SOX10: variants seen among roughly 807,000 people sequenced by gnomAD.
The protein encoded by SOX10 is transcription factor SOX-10.
In SOX10, 3 loss-of-function variants were observed where a neutral mutation model predicts 35.0. The observed-to-expected ratio is 0.09, with a 90% CI of 0.04 to 0.22. The LOEUF is 0.22. Among genes scored for constraint, SOX10 ranks in the 10% least tolerant of loss-of-function variants. SOX10 has a pLI of 1.00. For synonymous variants in SOX10, 285 were observed against 291.0 expected (o/e 0.98, Z 0.21); for missense variants, 436 against 655.1 (o/e 0.67, Z 3.65).
chr22:37,978,104 T>C lies in SOX10; in HGVS notation c.460A>G (p.Ile154Val), dbSNP rs1932279613. 3.2e-6 allele frequency: 5 copies of C among 1,587,058 alleles called. No individual in the cohort carries two copies. The highest frequency in any genetic ancestry group is 1.3e-5 in the African/African-American group (1 of 74,468). Reference sequence around the variant, plus strand: ...ATACGGAGCCGCTCAGCCTCCTCGATGAAGGGGCGCTTGTCACTTTCGTTC... The same window carrying C: ...ATACGGAGCCGCTCAGCCTCCTCGACGAAGGGGCGCTTGTCACTTTCGTTC... ...LLNESDKRPF[I>V]EEAERLRMQH... The change falls in exon 3 of 4, where the codon ATC (isoleucine) becomes GTC (valine). Residue 154 changes from isoleucine (I) to valine (V), a missense_variant. Ile to Val is a conservative substitution (Grantham distance 29). Around this residue, in one of 3 missense-constraint regions of SOX10, gnomAD observed 54 missense variants for 156.7 expected, o/e 0.34. Transcript: ENST00000396884. This position sits in a 1 kb window ranked among gnomAD's most constrained non-coding sequence, Gnocchi z 5.0.
rs1932458375 is a variant in SOX10 at position 37,983,321 on chromosome 22, A to T, written c.428+36T>A. The T allele has an allele frequency of 1.3e-6, 2 of 1,580,460 alleles. No individual in the cohort carries two copies. The highest frequency in any genetic ancestry group is 2.3e-5 in the South Asian group (2 of 87,388). ...GGCTACCCTGAATCCACCCGAAGCT[A>T]GAGGGCCCGAGCCCGGGGGGCGGTC... On this transcript the variant is annotated intron_variant, in intron 2 of 3. Coordinates refer to ENST00000396884, the MANE Select transcript of SOX10 (RefSeq NM_006941.4). The surrounding 1 kb of genome is among the most constrained non-coding windows in gnomAD (Gnocchi z 9.5).
chr22:37,977,346 A>T (rs956896808), intron 3 of SOX10, among the ~76,000 whole-genome samples: 5 of 148,056 alleles, frequency 3.4e-5, no homozygotes, highest in African/African-American at 9.9e-5. Flanking sequence ...TTTGAGACAG[A>T]GTCTCGCTCT....
chr22:37,975,711 T>C (rs1459458534), intron 3 of SOX10, among the ~76,000 whole-genome samples: 1 of 152,186 alleles, frequency 6.6e-6, no homozygotes, highest in African/African-American at 2.4e-5. Flanking sequence ...CCTGGTTCTG[T>C]GTCTGGACAA....
Position 37,978,089 on chromosome 22 carries a change from G to A in SOX10, c.475C>T (p.Arg159Trp), listed in dbSNP as rs2145768564. The A allele has an allele frequency of 1.3e-6, 2 of 1,595,506 alleles. No homozygotes were observed. Among genetic ancestry groups the A allele is most frequent in the Non-Finnish European group, 1.7e-6 (2 of 1,169,666 alleles). Residue 159 changes from arginine to tryptophan, a missense_variant, in exon 3 of 4, where the codon CGG (arginine) becomes TGG (tryptophan). Around this residue, in one of 3 missense-constraint regions of SOX10, gnomAD observed 54 missense variants for 156.7 expected, o/e 0.34. Coordinates refer to ENST00000396884, the MANE Select transcript of SOX10 (RefSeq NM_006941.4). The surrounding 1 kb of genome is among the most constrained non-coding windows in gnomAD (Gnocchi z 5.0). ...TCTTTCTTGTGCTGCATACGGAGCC[G>A]CTCAGCCTCCTCGATGAAGGGGCGC... is the stretch of plus-strand genomic sequence containing the variant. ...DKRPFIEEAE[R>W]LRMQHKKDHP...
At chr22:37,979,348 T>C (rs975745336) in intron 2 of SOX10, among the ~76,000 whole-genome samples, 1 of 152,180 alleles carries the variant, frequency 6.6e-6, no homozygotes, top group African/African-American at 2.4e-5. Context: ...TCCACCCGCC[T>C]TGGCCTCCCA....
At position 37,983,048 on chromosome 22, in the gene SOX10, T is replaced by C. The variant is rs1932449627; in HGVS notation, c.428+309A>G. 6.6e-6 allele frequency among the ~76,000 whole-genome samples: 1 copy of C among 152,206 alleles called. No homozygotes were observed. The highest frequency in any genetic ancestry group is 1.5e-5 in the Non-Finnish European group (1 of 68,022). ...GTGCGTATCTGTGGGCAGGAGTTAGTGAAGGCCTCCTTCCCTCCCTCCAAA... is the reference window on the plus strand; with the variant it reads ...GTGCGTATCTGTGGGCAGGAGTTAGCGAAGGCCTCCTTCCCTCCCTCCAAA... On this transcript the variant is annotated intron_variant, in intron 2 of 3. Coordinates refer to ENST00000396884, the MANE Select transcript of SOX10 (RefSeq NM_006941.4). The surrounding 1 kb of genome is among the most constrained non-coding windows in gnomAD (Gnocchi z 9.5).
At chr22:37,981,892 G>T (rs1216015973) in intron 2 of SOX10, among the ~76,000 whole-genome samples, 1 of 152,194 alleles carries the variant, frequency 6.6e-6, no homozygotes, top group Admixed American at 6.5e-5. Context: ...CTGAGAAGGG[G>T]CAGGGGAAGG....
rs1932373054 is a variant in SOX10, at chr22:37,980,790, A to G, written c.428+2567T>C. On this transcript the variant is annotated intron_variant, in intron 2 of 3. Transcript: ENST00000396884. The surrounding 1 kb of genome is among the most constrained non-coding windows in gnomAD (Gnocchi z 4.1). ...GGCTGATTCCTCACCCAAACTGGAA[A>G]CCCCAACCGGGGACCTCCCACAGTG... is the stretch of plus-strand genomic sequence containing the variant. Among the ~76,000 whole-genome samples the G allele has an allele frequency of 6.6e-6, 1 of 152,146 alleles. No homozygotes were observed. The highest frequency in any genetic ancestry group is 2.1e-4 in the South Asian group (1 of 4,830).
Position 37,974,036 on chromosome 22 carries a change from G to T in SOX10, c.860C>A (p.Ser287Tyr). Residue 287 changes from serine to tyrosine, a missense_variant, in exon 4 of 4, where the codon TCC becomes TAC. Physicochemically the swap from Ser to Tyr is moderately radical, Grantham distance 144 (BLOSUM62 -2). This residue lies in a region of SOX10 where 285 missense variants were observed against 402.9 expected (regional missense o/e 0.71). Coordinates refer to ENST00000396884, the MANE Select transcript of SOX10 (RefSeq NM_006941.4). The surrounding 1 kb of genome is among the most constrained non-coding windows in gnomAD (Gnocchi z 5.4). ...DIGEISHEVMSNMETFDVAEL... is the reference protein window; with the variant it reads ...DIGEISHEVMYNMETFDVAEL... The stretch of plus-strand genomic sequence containing the variant: ...AGCCACATCAAAGGTCTCCATGTTG[G>T]ACATTACCTCGTGGCTGATCTCACC... 6.2e-7 allele frequency: 1 copy of T among 1,613,996 alleles called. No individual in the cohort carries two copies. The highest frequency in any genetic ancestry group is 1.1e-5 in the South Asian group (1 of 91,084).
Position 37,973,604 on chromosome 22 carries a change from G to C in SOX10, c.1292C>G (p.Ser431Trp). ...GATGGCCGTGTAGAGGGGCCGCTGC[G>C]AGGGCCCCATATAGGAGAAGGCCGA... is the stretch of plus-strand genomic sequence containing the variant. ...LYSAFSYMGPSQRPLYTAISD... is the reference protein window; with the variant it reads ...LYSAFSYMGPWQRPLYTAISD... Residue 431 changes from serine (S) to tryptophan (W), a missense_variant, in exon 4 of 4, where the codon TCG (serine) becomes TGG (tryptophan). By Grantham distance (177) the Ser-to-Trp change is radical. This residue lies in a region of SOX10 where 285 missense variants were observed against 402.9 expected (regional missense o/e 0.71). Transcript: ENST00000396884. 6.2e-7 allele frequency: 1 copy of C among 1,613,022 alleles called. No homozygotes were observed. The highest frequency in any genetic ancestry group is 8.5e-7 in the Non-Finnish European group (1 of 1,179,408).
At chr22:37,982,688 C>G (rs1932437661) in intron 2 of SOX10, among the ~76,000 whole-genome samples, 3 of 152,070 alleles carry the variant, frequency 2.0e-5, no homozygotes, top group Admixed American at 1.3e-4. Flanking sequence ...GGAAAGAGAT[C>G]AGCTTGGTGA....
At position 37,973,883 on chromosome 22, in the gene SOX10, G is replaced by C. The variant is rs781443891; in HGVS notation, c.1013C>G (p.Pro338Arg). 1.9e-6 allele frequency: 3 copies of C among 1,610,210 alleles called. No individual in the cohort carries two copies. The highest frequency in any genetic ancestry group is 1.3e-5 in the African/African-American group (1 of 74,902). Residue 338 changes from proline to arginine, a missense_variant, in exon 4 of 4, where the codon CCA (proline) becomes CGA (arginine). Pro to Arg is a moderately radical substitution (Grantham distance 103). This residue lies in a region of SOX10 where 285 missense variants were observed against 402.9 expected (regional missense o/e 0.71). Coordinates refer to ENST00000396884, the MANE Select transcript of SOX10 (RefSeq NM_006941.4). ...TGAGACCGTGGGCAGAGCCACGCCT[G>C]GTGGCTTGGAGATCCAGGCGGAGTG... Reference protein sequence around the residue: ...SGHSAWISKPPGVALPTVSPP... With the variant: ...SGHSAWISKPRGVALPTVSPP...
In SOX10 at chr22:37,983,512, G is replaced by C; in HGVS notation, c.273C>G (p.Pro91=). 1 of 1,610,350 alleles carries C rather than the reference G, an allele frequency of 6.2e-7. No individual in the cohort carries two copies. Among genetic ancestry groups the C allele is most frequent in the South Asian group, 1.1e-5 (1 of 90,698 alleles). ...TTTTGCTGGCGCCGTTGACGCGCAC[G>C]GGCATGGGCACCAGCGTCCAGTCGT... is the stretch of plus-strand genomic sequence containing the variant. ...SGYDWTLVPM[P]VRVNGASKSK... Residue 91 remains proline, a synonymous_variant, in exon 2 of 4, where the codon CCC becomes CCG. Coordinates refer to ENST00000396884, the MANE Select transcript of SOX10 (RefSeq NM_006941.4). This position sits in a 1 kb window ranked among gnomAD's most constrained non-coding sequence, Gnocchi z 9.5.
chr22:37,982,066 G>A (rs995126152), intron 2 of SOX10, among the ~76,000 whole-genome samples: 4 of 152,126 alleles, frequency 2.6e-5, no homozygotes, highest in Non-Finnish European at 5.9e-5. Context: ...GAAGAGAGCC[G>A]GGCTCCTCTG....
rs1252370101 is a variant in SOX10 at position 37,983,500 on chromosome 22, G to A, written c.285C>T (p.Asn95=). ...WTLVPMPVRV[N]GASKSKPHVK... ...CGTGCGGCTTGCTTTTGCTGGCGCC[G>A]TTGACGCGCACGGGCATGGGCACCA... is the stretch of plus-strand genomic sequence containing the variant. Residue 95 remains asparagine (N), a synonymous_variant, in exon 2 of 4, where the codon AAC becomes AAT. Transcript: ENST00000396884. This position sits in a 1 kb window ranked among gnomAD's most constrained non-coding sequence, Gnocchi z 9.5. 1.2e-6 allele frequency: 2 copies of A among 1,610,792 alleles called. No homozygotes were observed. The highest frequency in any genetic ancestry group is 1.3e-5 in the African/African-American group (1 of 74,898).
intron 2 of SOX10, among the ~76,000 whole-genome samples, chr22:37,981,317 A>G (rs1322241942): frequency 1.3e-5 from 2 of 152,206 alleles, no homozygotes; most frequent in Non-Finnish European, 2.9e-5. Context: ...ACCCCCCTCC[A>G]GGGTCCAGGG....
rs912970994 is a variant in SOX10 at position 37,983,949 on chromosome 22, G to C, written c.-84-81C>G. The C allele has an allele frequency of 1.4e-5, 6 of 439,820 alleles. No individual in the cohort carries two copies. The highest frequency in any genetic ancestry group is 8.6e-5 in the African/African-American group (4 of 46,376). 27.2% of individuals were successfully genotyped at this position (439,820 alleles called of 1,614,324 possible). A position where few individuals can be genotyped will look rare whatever the true frequency, so the allele number is the denominator to read the frequency against. ...CGAGACAGGACGTGGGCACAGCCCC[G>C]AGGTGGCGGCCCTTCCTGCTCCAGC... On this transcript the variant is annotated intron_variant, in intron 1 of 3. Coordinates refer to ENST00000396884, the MANE Select transcript of SOX10 (RefSeq NM_006941.4). This position sits in a 1 kb window ranked among gnomAD's most constrained non-coding sequence, Gnocchi z 9.5.
Position 37,972,318 on chromosome 22 carries a change from G to T in SOX10, c.*1177C>A. On this transcript the variant is annotated 3_prime_UTR_variant, in exon 4 of 4. Coordinates refer to ENST00000396884, the MANE Select transcript of SOX10 (RefSeq NM_006941.4). ...GTCAGGCTCACCAAGCAGGTAACCGGAACCTTTAATTTTATTATGTGGAAT... is the reference window on the plus strand; with the variant it reads ...GTCAGGCTCACCAAGCAGGTAACCGTAACCTTTAATTTTATTATGTGGAAT... 5.5e-6 allele frequency: 6 copies of T among 1,091,850 alleles called. No homozygotes were observed. The highest frequency in any genetic ancestry group is 7.5e-6 in the Non-Finnish European group (6 of 795,574). The allele number at this position is 1,091,850 out of a possible 1,614,324, so 67.6% of individuals were successfully genotyped here.
chr22:37,976,238 C>CA (rs969713356), intron 3 of SOX10, among the ~76,000 whole-genome samples: 17 of 151,862 alleles, frequency 1.1e-4, no homozygotes, highest in South Asian at 6.2e-4. Context: ...AAAACAAAAA[C>CA]AAAAAAAAGA....
Sources: allele counts gnomAD v4.1 joint callset (sites outside exome capture counted in the v4.1 genomes callset), GRCh38; gene constraint gnomAD v4.1.1; regional missense constraint gnomAD v4.1.1; non-coding constraint Gnocchi (gnomAD v3.1); transcripts MANE v1.5; gene names NCBI Gene and HGNC (gene_info 2026-07-23, HGNC 2026-07-21).